The following TXNDC11 variants were observed in gnomAD, a reference collection of about 807,000 sequenced individuals.
TXNDC11 encodes thioredoxin domain-containing protein 11.
In TXNDC11, 68 loss-of-function variants were observed where a neutral mutation model predicts 78.0. The ratio of observed to expected loss-of-function variants is 0.87; its 90% CI spans 0.72 to 1.07. TXNDC11 has a LOEUF of 1.07. TXNDC11 is among the 50% of genes least tolerant of loss of function. The pLI is 0.00. For missense variants in TXNDC11, 1,389 were observed against 1,221.8 expected, an observed-to-expected ratio of 1.14 and a Z score of -2.04; for synonymous variants, 571 against 495.2, an observed-to-expected ratio of 1.15 and a Z score of -2.03.
At chr16:11,695,695 G>T (rs886066957) in intron 7 of TXNDC11, among the ~76,000 whole-genome samples, 7 of 152,098 alleles carry the variant, frequency 4.6e-5, no homozygotes, top group African/African-American at 1.7e-4. Flanking sequence ...AAAAACGTTC[G>T]TAATGATAAC....
At position 11,742,691 on chromosome 16, in the gene TXNDC11, T is replaced by A; in HGVS notation, c.40A>T (p.Ser14Cys). The change falls in exon 1 of 12, where the codon AGC (serine) becomes TGC (cysteine). Residue 14 changes from serine to cysteine, a missense_variant. Coordinates refer to ENST00000283033, the MANE Select transcript of TXNDC11 (RefSeq NM_015914.7). ...CGGRGGGSSS[S>C]EDAEDEGGGG... ...CCTCCCTCGTCCTCGGCGTCCTCGCTGCTGCTGCTGCCGCCGCCGCGGCCT... is the reference window on the plus strand; with the variant it reads ...CCTCCCTCGTCCTCGGCGTCCTCGCAGCTGCTGCTGCCGCCGCCGCGGCCT... 2.0e-6 allele frequency: 3 copies of A among 1,469,460 alleles called. No homozygotes were observed. The highest frequency in any genetic ancestry group is 2.7e-6 in the Non-Finnish European group (3 of 1,117,946). The allele number at this position is 1,469,460 out of a possible 1,614,324, so 91.0% of individuals were successfully genotyped here.
chr16:11,691,262 G>T, intron 8 of TXNDC11, 28 bp downstream of exon 8: 1 of 1,577,386 alleles, frequency 6.3e-7, no homozygotes, highest in Non-Finnish European at 8.6e-7. Context: ...AATGTACAAT[G>T]CTTGGGGAAA....
chr16:11,696,956 A>C (rs1296982974), intron 7 of TXNDC11, among the ~76,000 whole-genome samples: 1 of 152,170 alleles, frequency 6.6e-6, no homozygotes. Context: ...CTTGACCGAA[A>C]ACCTTCCTTT....
chr16:11,698,218 A>G lies in TXNDC11; in HGVS notation c.1014T>C (p.Ser338=). The G allele has an allele frequency of 6.2e-7, 1 of 1,613,704 alleles. No homozygotes were observed. The change falls in exon 7 of 12, where the codon AGT becomes AGC. Residue 338 remains serine, a synonymous_variant. Transcript: ENST00000283033. ...FRWLRPHGGK[S]LLLNNELKKG... ...TCTTCAGCTCGTTATTCAGCAGGAGACTCTTGCCTCCGTGTGGCCGCAGCC... is the reference window on the plus strand; with the variant it reads ...TCTTCAGCTCGTTATTCAGCAGGAGGCTCTTGCCTCCGTGTGGCCGCAGCC...
chr16:11,701,079 T>A (rs1018749017), intron 5 of TXNDC11, among the ~76,000 whole-genome samples: 1 of 151,834 alleles, frequency 6.6e-6, no homozygotes, highest in Non-Finnish European at 1.5e-5. Context: ...CTTATTAACA[T>A]TTGCATAATC....
Position 11,692,064 on chromosome 16 carries a change from C to A in TXNDC11, c.1126G>T (p.Glu376Ter). 6.6e-7 allele frequency: 1 copy of A among 1,526,224 alleles called. No homozygotes were observed. Among genetic ancestry groups the A allele is most frequent in the Non-Finnish European group, 8.8e-7 (1 of 1,138,114 alleles). The allele number at this position is 1,526,224 out of a possible 1,614,324, so 94.5% of individuals were successfully genotyped here. A position where few individuals can be genotyped will look rare whatever the true frequency, so the allele number is the denominator to read the frequency against. ...TGGTCCCCATGACAGTTGTTGTACTCCAAGGCCACTTCGGTGATCTGAAAT... is the reference window on the plus strand; with the variant it reads ...TGGTCCCCATGACAGTTGTTGTACTACAAGGCCACTTCGGTGATCTGAAAT... The part of the protein sequence containing the change: ...LIDEITEVAL[E>*]YNNCHGDQVV... Residue 376 changes from glutamate (E) to a stop codon, truncating the protein, a stop_gained, in exon 8 of 12, where the codon GAG becomes TAG. Coordinates refer to ENST00000283033, the MANE Select transcript of TXNDC11 (RefSeq NM_015914.7). LOFTEE classifies it high-confidence loss of function.
At position 11,701,128 on chromosome 16, in the gene TXNDC11, C is replaced by CTTT. The variant is rs397855467; in HGVS notation, c.794-567_794-565dup. On this transcript the variant is annotated intron_variant, in intron 5 of 11. Coordinates refer to ENST00000283033, the MANE Select transcript of TXNDC11 (RefSeq NM_015914.7). Reference sequence around the variant, plus strand: ...TAGATTTCCTTTGGCCCAATGTCCTCTTTTTTTTTTTTTTTTTTTTTTTTT... The same window carrying CTTT: ...TAGATTTCCTTTGGCCCAATGTCCTCTTTTTTTTTTTTTTTTTTTTTTTTTTTT... Among the ~76,000 whole-genome samples the CTTT allele has an allele frequency of 4.5e-4, 46 of 101,670 alleles. 4 individuals are homozygous for CTTT. The highest frequency in any genetic ancestry group is 7.9e-4 in the Non-Finnish European group (40 of 50,812). The allele number at this position is 101,670 out of a possible 152,430, so 66.7% of individuals were successfully genotyped here. A position where few individuals can be genotyped will look rare whatever the true frequency, so the allele number is the denominator to read the frequency against.
At chr16:11,713,148 G>T (rs536753156) in intron 5 of TXNDC11, among the ~76,000 whole-genome samples, 2 of 149,182 alleles carry the variant, frequency 1.3e-5, no homozygotes, top group Non-Finnish European at 3.0e-5. Flanking sequence ...GTTGCCAGGC[G>T]TGGTGGTGCA....
At chr16:11,681,131 C>T (rs763187857) in intron 11 of TXNDC11, among the ~76,000 whole-genome samples, 2 of 152,194 alleles carry the variant, frequency 1.3e-5, no homozygotes, top group Non-Finnish European at 2.9e-5. Flanking sequence ...GTAATTGCAC[C>T]ACTGCACTCC....
chr16:11,724,639 C>T (rs940116281), intron 4 of TXNDC11, among the ~76,000 whole-genome samples: 13 of 152,244 alleles, frequency 8.5e-5, no homozygotes, highest in South Asian at 2.1e-4. Flanking sequence ...TGTTAGTATA[C>T]GTTGTCCACA....
chr16:11,703,236 A>T (rs1171863480), intron 5 of TXNDC11, among the ~76,000 whole-genome samples: 2 of 152,258 alleles, frequency 1.3e-5, no homozygotes, highest in East Asian at 3.8e-4. Flanking sequence ...GGAAAACAGT[A>T]TCTTGACTGG....
At chr16:11,735,297 G>C (rs1481924479) in intron 2 of TXNDC11, among the ~76,000 whole-genome samples, 1 of 152,036 alleles carries the variant, frequency 6.6e-6, no homozygotes, top group Non-Finnish European at 1.5e-5. Context: ...TCTACATAAA[G>C]GTATATGGAC....
At chr16:11,738,808 A>G (rs1162130703) in intron 1 of TXNDC11, among the ~76,000 whole-genome samples, 1 of 152,164 alleles carries the variant, frequency 6.6e-6, no homozygotes, top group Non-Finnish European at 1.5e-5. Context: ...CGGGTGGATC[A>G]CATGAGGTCA....
intron 5 of TXNDC11, among the ~76,000 whole-genome samples, chr16:11,712,051 C>CTAGT (rs2051377128): frequency 6.6e-6 from 1 of 152,088 alleles, no homozygotes; most frequent in East Asian, 1.9e-4. Context: ...TGTAATGCTT[C>CTAGT]TAGTTCTTTA....
At chr16:11,720,787 G>A (rs1034856875) in intron 5 of TXNDC11, among the ~76,000 whole-genome samples, 1 of 151,732 alleles carries the variant, frequency 6.6e-6, no homozygotes, top group South Asian at 2.1e-4. Flanking sequence ...AGGCTGGAGT[G>A]CAGTGGTGCA....
intron 11 of TXNDC11, among the ~76,000 whole-genome samples, chr16:11,682,792 G>C (rs1355194821): frequency 6.6e-6 from 1 of 152,104 alleles, no homozygotes; most frequent in Non-Finnish European, 1.5e-5. Context: ...CAGTAGAAAA[G>C]GGTGAGTCAC....
rs180925950 is a variant in TXNDC11, at chr16:11,727,670, C to T, written c.699+2975G>A. The stretch of plus-strand genomic sequence containing the variant: ...AGCTATAATTTCCACCCGCCCCCCC[C>T]ACCCCACCATAACCTTCCACCATTC... On this transcript the variant is annotated intron_variant, in intron 4 of 11. Coordinates refer to ENST00000283033, the MANE Select transcript of TXNDC11 (RefSeq NM_015914.7). Among the ~76,000 whole-genome samples, 101 of 150,708 alleles carry T rather than the reference C, an allele frequency of 6.7e-4. No homozygotes were observed. In the East Asian group the frequency reaches 0.017, roughly 25 times the overall value.
At chr16:11,682,518 C>T (rs1181145701) in intron 11 of TXNDC11, among the ~76,000 whole-genome samples, 1 of 152,214 alleles carries the variant, frequency 6.6e-6, no homozygotes, top group South Asian at 2.1e-4. Flanking sequence ...CCCACCCTGC[C>T]ACCTGTTCCG....
At chr16:11,717,310 C>T (rs546053795) in intron 5 of TXNDC11, among the ~76,000 whole-genome samples, 8 of 151,308 alleles carry the variant, frequency 5.3e-5, no homozygotes, top group South Asian at 2.1e-4. Context: ...CAGTAGTGGG[C>T]GCCTGTAGTC....
Sources: allele counts gnomAD v4.1 joint callset (sites outside exome capture counted in the v4.1 genomes callset), GRCh38; gene constraint gnomAD v4.1.1; transcripts MANE v1.5; gene names NCBI Gene and HGNC (gene_info 2026-07-23, HGNC 2026-07-21).